The following RIMKLB variants were observed in gnomAD, a reference collection of about 807,000 sequenced individuals.
The protein encoded by RIMKLB is beta-citrylglutamate synthase B.
A neutral mutation model predicts 32.0 loss-of-function variants in RIMKLB; 7 were observed. That is an observed-to-expected ratio of 0.22 (90% CI 0.12 to 0.41). The LOEUF (loss-of-function observed/expected upper bound fraction) is 0.41, where lower values mean the gene tolerates loss of function less well. Ranked by LOEUF, RIMKLB falls within the 10% of genes least tolerant of loss-of-function variation. RIMKLB has a pLI of 1.00. For missense variants in RIMKLB, 289 were observed against 498.7 expected (o/e 0.58, Z 4.00); for synonymous variants, 172 against 185.1 (o/e 0.93, Z 0.57).
At chr12:8,739,259 G>T (rs1256580674) in intron 2 of RIMKLB, among the ~76,000 whole-genome samples, 1 of 152,150 alleles carries the variant, frequency 6.6e-6, no homozygotes, top group Non-Finnish European at 1.5e-5. Context: ...TTTGCAGATG[G>T]CCGTCTTGCT....
At chr12:8,686,272 CCTCCTCTCCT>C (rs1352855358) in intron 1 of RIMKLB, among the ~76,000 whole-genome samples, 1 of 151,054 alleles carries the variant, frequency 6.6e-6, no homozygotes, top group Non-Finnish European at 1.5e-5. Context: ...CCTCCCCTCC[CCTCCTCTCCT>C]CTCCTCTCAT....
intron 1 of RIMKLB, among the ~76,000 whole-genome samples, chr12:8,687,171 A>G (rs972153798): frequency 6.6e-6 from 1 of 152,254 alleles, no homozygotes; most frequent in African/African-American, 2.4e-5. Flanking sequence ...AATTTCAGAT[A>G]AACAATATAA....
At chr12:8,766,783 G>A (rs1185341274) in intron 5 of RIMKLB, among the ~76,000 whole-genome samples, 2 of 152,208 alleles carry the variant, frequency 1.3e-5, no homozygotes, top group Non-Finnish European at 2.9e-5. Context: ...AAATCTGCTA[G>A]GTTAAGGGAA....
chr12:8,735,061 C>T (rs1361145060), intron 2 of RIMKLB, among the ~76,000 whole-genome samples: 3 of 152,110 alleles, frequency 2.0e-5, no homozygotes, highest in Non-Finnish European at 4.4e-5. Context: ...TAAATTTCAT[C>T]TAATAGGCAA....
chr12:8,748,613 AT>A (rs1397827637), intron 2 of RIMKLB, among the ~76,000 whole-genome samples: 1 of 147,572 alleles, frequency 6.8e-6, no homozygotes, highest in Non-Finnish European at 1.5e-5. Flanking sequence ...TATTTTTTAT[AT>A]ATATATAATT....
chr12:8,699,907 C>T (rs1269758147), intron 1 of RIMKLB: 1 of 152,218 alleles, frequency 6.6e-6, no homozygotes, highest in Non-Finnish European at 1.5e-5. Context: ...TTTTCTCTTC[C>T]TGCCTTGCCC....
At chr12:8,685,411 A>G (rs1024297188) in intron 1 of RIMKLB, among the ~76,000 whole-genome samples, 2 of 151,916 alleles carry the variant, frequency 1.3e-5, no homozygotes, top group African/African-American at 4.8e-5. Context: ...TGGGTGTTGG[A>G]TTTTGTCACA....
At chr12:8,699,363 A>T (rs191472017) in intron 1 of RIMKLB, among the ~76,000 whole-genome samples, 33 of 152,186 alleles carry the variant, frequency 2.2e-4, no homozygotes, top group African/African-American at 7.7e-4. Flanking sequence ...CATTTTTGTT[A>T]CTTTCACAAT....
intron 1 of RIMKLB, among the ~76,000 whole-genome samples, chr12:8,712,479 G>A (rs1055800987): frequency 7.9e-5 from 12 of 152,148 alleles, no homozygotes; most frequent in Non-Finnish European, 1.6e-4. Flanking sequence ...TAGAGCATCC[G>A]ACATTAAGTT....
At position 8,774,789 on chromosome 12, in the gene RIMKLB, G is replaced by A. The variant is rs777591059; in HGVS notation, c.*1005G>A. The A allele has an allele frequency of 4.9e-5, 48 of 985,488 alleles. No individual in the cohort carries two copies. Among genetic ancestry groups the A allele is most frequent in the Non-Finnish European group, 5.4e-5 (45 of 829,904 alleles). The allele number at this position is 985,488 out of a possible 1,614,324, so 61.0% of individuals were successfully genotyped here. On this transcript the variant is annotated 3_prime_UTR_variant, in exon 6 of 6. Transcript: ENST00000535829. Reference sequence around the variant, plus strand: ...AAATATTTTTGGGGGCAAATCAAGAGCCTATGAGTTCTAAGTATAAAGCTG... The same window carrying A: ...AAATATTTTTGGGGGCAAATCAAGAACCTATGAGTTCTAAGTATAAAGCTG...
chr12:8,692,610 A>C (rs1051681850), upstream of RIMKLB, among the ~76,000 whole-genome samples: 2 of 152,212 alleles, frequency 1.3e-5, no homozygotes, highest in African/African-American at 4.8e-5. Flanking sequence ...CTTTCCACCC[A>C]TTCTTTCTCT....
intron 2 of RIMKLB, among the ~76,000 whole-genome samples, chr12:8,748,115 A>G (rs534089089): frequency 6.6e-6 from 1 of 152,202 alleles, no homozygotes; most frequent in Non-Finnish European, 1.5e-5. Flanking sequence ...CAGTAGGGAA[A>G]ATACATACTA....
chr12:8,733,154 C>T lies in RIMKLB; in HGVS notation c.176-16708C>T, dbSNP rs367559874. ...CAACTGGGCAGGAGGTTGCTCTTGG[C>T]AGCTAATGGATAGAGGCTAAGGATG... On this transcript the variant is annotated intron_variant, in intron 2 of 5. Transcript: ENST00000535829. Among the ~76,000 whole-genome samples, 15 of 152,016 alleles carry T rather than the reference C, an allele frequency of 9.9e-5. No homozygotes were observed. In the East Asian group the frequency reaches 1.7e-3, roughly 18 times the overall value.
chr12:8,776,137 A>G lies in RIMKLB; in HGVS notation c.*2353A>G, dbSNP rs1950711559. 2 of 985,058 alleles carry G rather than the reference A, an allele frequency of 2.0e-6. No homozygotes were observed. Among genetic ancestry groups the G allele is most frequent in the South Asian group, 4.7e-5 (1 of 21,286 alleles). 61.0% of individuals were successfully genotyped at this position (985,058 alleles called of 1,614,324 possible). The stretch of plus-strand genomic sequence containing the variant: ...TAGTTCATGTTTGTGTTGGTGGGGT[A>G]AGGCATCAGGAAAAATGTAGTTAGT... On this transcript the variant is annotated 3_prime_UTR_variant, in exon 6 of 6. Transcript: ENST00000535829.
chr12:8,727,900 C>A (rs1271301429), intron 2 of RIMKLB, among the ~76,000 whole-genome samples: 202 of 135,354 alleles, frequency 1.5e-3, no homozygotes, highest in Middle Eastern at 4.0e-3. Context: ...GACATTGTCT[C>A]AAAAAAAAAA....
chr12:8,780,282 A>G (rs1950956867), downstream of RIMKLB: 1 of 152,198 alleles, frequency 6.6e-6, no homozygotes, highest in Non-Finnish European at 1.5e-5. Flanking sequence ...GTAGGTAAAG[A>G]AGGAAACAGA....
At chr12:8,718,331 G>A (rs1945062090) in intron 2 of RIMKLB, among the ~76,000 whole-genome samples, 1 of 152,088 alleles carries the variant, frequency 6.6e-6, no homozygotes, top group Non-Finnish European at 1.5e-5. Flanking sequence ...TTGGGGTGAA[G>A]GTTTGTCGAC....
chr12:8,756,028 C>A (rs975303181), intron 5 of RIMKLB, among the ~76,000 whole-genome samples: 1 of 151,808 alleles, frequency 6.6e-6, no homozygotes, highest in African/African-American at 2.4e-5. Flanking sequence ...TGGCACATTC[C>A]TGTTTAGTCC....
At chr12:8,746,438 A>T (rs1392222423) in intron 2 of RIMKLB, among the ~76,000 whole-genome samples, 1 of 151,418 alleles carries the variant, frequency 6.6e-6, no homozygotes, top group Admixed American at 6.6e-5. Context: ...ATCTCTAAAA[A>T]ATACAAACAA....
Sources: allele counts gnomAD v4.1 joint callset (sites outside exome capture counted in the v4.1 genomes callset), GRCh38; gene constraint gnomAD v4.1.1; transcripts MANE v1.5; gene names NCBI Gene and HGNC (gene_info 2026-07-23, HGNC 2026-07-21).